Variants in IFT25 observed in about 807,000 individuals in gnomAD.
The protein encoded by IFT25 is intraflagellar transport 25, also known as intraflagellar transport protein 25 homolog.
the IFT25 span, among the ~76,000 whole-genome samples, chr1:53,933,824 A>T: frequency 6.6e-6 from 1 of 151,820 alleles, no homozygotes; most frequent in African/African-American, 2.4e-5. Flanking sequence ...TGAGTGAATA[A>T]TTTTTTTAAA....
chr1:53,938,022 C>A, the IFT25 span, among the ~76,000 whole-genome samples: 1 of 152,210 alleles, frequency 6.6e-6, no homozygotes, highest in Non-Finnish European at 1.5e-5. Context: ...TTAGAAGACA[C>A]GAGTGTCAGT....
the IFT25 span, among the ~76,000 whole-genome samples, chr1:53,944,523 T>C: frequency 6.6e-6 from 1 of 152,186 alleles, no homozygotes; most frequent in African/African-American, 2.4e-5. Flanking sequence ...CAGGTGCCTG[T>C]AATCCCAGCT....
At chr1:53,929,784 G>T in the IFT25 span, 1 of 374,094 alleles carries the variant, frequency 2.7e-6, no homozygotes, top group Non-Finnish European at 4.5e-6. Context: ...AAATTATTAT[G>T]TGCTTTGGAA....
At chr1:53,933,266 C>G in the IFT25 span, among the ~76,000 whole-genome samples, 1 of 151,866 alleles carries the variant, frequency 6.6e-6, no homozygotes, top group Admixed American at 6.6e-5. Flanking sequence ...TCCCGAGTAA[C>G]TGGGACTACA....
chr1:53,924,574 C>T, the IFT25 span, among the ~76,000 whole-genome samples: 1 of 152,182 alleles, frequency 6.6e-6, no homozygotes, highest in Admixed American at 6.5e-5. Context: ...CAGTGGCTCA[C>T]GCCTGTAATC....
chr1:53,929,900 G>C, the IFT25 span: 2 of 1,290,560 alleles, frequency 1.5e-6, no homozygotes, highest in Non-Finnish European at 2.0e-6. Flanking sequence ...ATGCTATAAA[G>C]AAAAACTAGT....
chr1:53,933,381 G>A, the IFT25 span, among the ~76,000 whole-genome samples: 15 of 152,048 alleles, frequency 9.9e-5, no homozygotes, highest in South Asian at 1.0e-3. Flanking sequence ...TGATCCGCCC[G>A]CCTCGGCCTC....
the IFT25 span, among the ~76,000 whole-genome samples, chr1:53,940,328 C>T: frequency 6.6e-6 from 1 of 151,966 alleles, no homozygotes; most frequent in African/African-American, 2.4e-5. Context: ...TCCCTGACTA[C>T]CCTAGCCAAA....
chr1:53,925,496 T>C, the IFT25 span, among the ~76,000 whole-genome samples: 1 of 146,088 alleles, frequency 6.8e-6, no homozygotes, highest in Non-Finnish European at 1.5e-5. Context: ...CCATCTCTAC[T>C]AAAAAAAAAA....
chr1:53,919,987 T>C, the IFT25 span, among the ~76,000 whole-genome samples: 2 of 152,132 alleles, frequency 1.3e-5, no homozygotes, highest in Non-Finnish European at 2.9e-5. Flanking sequence ...TTTGTAGATA[T>C]GGGGTCTAGC....
At chr1:53,929,263 T>A in the IFT25 span, among the ~76,000 whole-genome samples, 1 of 152,146 alleles carries the variant, frequency 6.6e-6, no homozygotes, top group African/African-American at 2.4e-5. Context: ...TGCCTACAGC[T>A]CCTATTAGGC....
the IFT25 span, among the ~76,000 whole-genome samples, chr1:53,942,955 G>A: frequency 3.3e-5 from 5 of 152,086 alleles, no homozygotes; most frequent in Non-Finnish European, 5.9e-5. Context: ...ATTGTTCGGA[G>A]GAGAGTAAAA....
chr1:53,939,066 C>T, the IFT25 span, among the ~76,000 whole-genome samples: 1 of 126,410 alleles, frequency 7.9e-6, no homozygotes, highest in Admixed American at 8.4e-5. Flanking sequence ...AAGAGCGAAA[C>T]TCCGTCTCAA....
the IFT25 span, among the ~76,000 whole-genome samples, chr1:53,912,034 A>G: frequency 2.0e-5 from 3 of 152,202 alleles, no homozygotes; most frequent in Non-Finnish European, 4.4e-5. Context: ...AAAGCCACTC[A>G]TGACCAACAT....
chr1:53,936,118 C>G, the IFT25 span, among the ~76,000 whole-genome samples: 2 of 151,772 alleles, frequency 1.3e-5, no homozygotes, highest in Non-Finnish European at 2.9e-5. Flanking sequence ...GAAACCCTGT[C>G]TCTACTAGAA....
chr1:53,941,323 C>T, the IFT25 span, among the ~76,000 whole-genome samples: 1 of 152,142 alleles, frequency 6.6e-6, no homozygotes, highest in Non-Finnish European at 1.5e-5. Context: ...CTCCTGGCCT[C>T]AAGTGATCCT....
the IFT25 span, among the ~76,000 whole-genome samples, chr1:53,944,800 C>A: frequency 9.2e-5 from 14 of 152,138 alleles, no homozygotes; most frequent in African/African-American, 3.4e-4. Context: ...TCCCTGATGC[C>A]TTATCCTGTC....
chr1:53,917,283 GCTT>G, the IFT25 span, among the ~76,000 whole-genome samples: 1 of 151,896 alleles, frequency 6.6e-6, no homozygotes, highest in African/African-American at 2.4e-5. Flanking sequence ...TGCCACATTT[GCTT>G]CTTCAACTAA....
At chr1:53,933,209 A>G in the IFT25 span, among the ~76,000 whole-genome samples, 1 of 144,222 alleles carries the variant, frequency 6.9e-6, no homozygotes, top group Non-Finnish European at 1.5e-5. Context: ...ATCTTGGCTC[A>G]CTGCAAGCTC....
Sources: gnomAD v4.1 joint callset for allele counts (sites outside exome capture counted in the v4.1 genomes callset) on GRCh38, gnomAD v4.1.1 for gene constraint, MANE v1.5 for transcripts, NCBI Gene and HGNC (gene_info 2026-07-23, HGNC 2026-07-21) for gene names.